Variants in TCP1 observed in about 807,000 individuals in gnomAD.
TCP1 encodes t-complex 1, also known as T-complex protein 1 subunit alpha.
TCP1 carries 6 observed loss-of-function variants against 54.7 expected under a neutral mutation model. That is an observed-to-expected ratio of 0.11 (90% CI 0.06 to 0.22). The LOEUF (loss-of-function observed/expected upper bound fraction) is 0.22, where lower values mean the gene tolerates loss of function less well. Among genes scored for constraint, TCP1 ranks in the 10% least tolerant of loss-of-function variants. The probability of loss-of-function intolerance (pLI) is 1.00; values close to 1 mark genes in which losing one functional copy is unlikely to be tolerated. For missense variants in TCP1, 511 were observed against 678.2 expected (o/e 0.75, Z 2.74); for synonymous variants, 225 against 229.7 (o/e 0.98, Z 0.19).
chr6:159,789,205 C>T, intron 1 of TCP1, 200 bp downstream of exon 1: 1 of 573,398 alleles, frequency 1.7e-6, no homozygotes. Flanking sequence ...CCGCGCGCGG[C>T]GGGGCTCCTC....
chr6:159,780,207 T>A, intron 9 of TCP1, 120 bp from the exon 10 acceptor site: 5 of 1,323,524 alleles, frequency 3.8e-6, no homozygotes, highest in Non-Finnish European at 5.3e-6. Context: ...AAAGTTCCCT[T>A]AAGTCCTGCC....
chr6:159,784,095 T>C, intron 6 of TCP1, 28 bp from the exon 7 acceptor site: 22 of 1,607,688 alleles, frequency 1.4e-5, no homozygotes, highest in Non-Finnish European at 1.8e-5. Context: ...ATTAAGTTAA[T>C]ACGTCTATCC....
Position 159,789,494 on chromosome 6 carries a change from T to C in TCP1, c.-26A>G, listed in dbSNP as rs1276586072. ...CTTGACGGCAGCGATACACGTCGAA[T>C]TCTGCTTACACCGCGGGCAACCAGT... On this transcript the variant is annotated 5_prime_UTR_variant, in exon 1 of 12. Coordinates refer to ENST00000321394, the MANE Select transcript of TCP1 (RefSeq NM_030752.3). 4 of 1,613,626 alleles carry C rather than the reference T, an allele frequency of 2.5e-6. No individual in the cohort carries two copies. Among genetic ancestry groups the C allele is most frequent in the Non-Finnish European group, 3.4e-6 (4 of 1,179,708 alleles).
At chr6:159,780,219 A>G in intron 9 of TCP1, 132 bp from the exon 10 acceptor site, 1 of 1,265,082 alleles carries the variant, frequency 7.9e-7, no homozygotes, top group Non-Finnish European at 1.1e-6. Flanking sequence ...AGTCCTGCCT[A>G]CACAGGATAT....
chr6:159,780,635 A>G (rs1291822443), intron 8 of TCP1, 69 bp from the exon 9 acceptor site: 1 of 1,557,596 alleles, frequency 6.4e-7, no homozygotes, highest in Admixed American at 2.0e-5. Flanking sequence ...TGGACTCAGT[A>G]GCATTTGTGG....
chr6:159,778,872 T>G lies in TCP1; in HGVS notation c.*173A>C, dbSNP rs1286662274. The G allele has an allele frequency of 1.9e-6, 3 of 1,612,486 alleles. No individual in the cohort carries two copies. The East Asian group carries it at 6.7e-5, about 36-fold the overall frequency. On this transcript the variant is annotated 3_prime_UTR_variant, in exon 12 of 12. Transcript: ENST00000321394. ...CAACCTCAATTTCTTTTTAAACTAA[T>G]AAAGTACTAGGTTGCAATATGTGAA...
Position 159,785,880 on chromosome 6 carries a change from CTGAA to C in TCP1, c.377+16_377+19del. Reference sequence around the variant, plus strand: ...AACTATTACATCAAAAAAAATTTCTCTGAATGCAAACAATCTTACTTGCAAGCAA... The same window carrying C: ...AACTATTACATCAAAAAAAATTTCTCTGCAAACAATCTTACTTGCAAGCAA... On this transcript the variant is annotated intron_variant, in intron 4 of 11. Transcript: ENST00000321394. 1 of 1,603,408 alleles carries C rather than the reference CTGAA, an allele frequency of 6.2e-7. No individual in the cohort carries two copies. The highest frequency in any genetic ancestry group is 8.5e-7 in the Non-Finnish European group (1 of 1,172,014).
intron 8 of TCP1, 91 bp downstream of exon 8, chr6:159,780,844 C>A: frequency 7.0e-7 from 1 of 1,422,904 alleles, no homozygotes. Flanking sequence ...TGTTTTTGAG[C>A]TGTTTTCTGT....
At chr6:159,780,203 C>T (rs757912458) in intron 9 of TCP1, 116 bp from the exon 10 acceptor site, 1 of 1,330,064 alleles carries the variant, frequency 7.5e-7, no homozygotes, top group East Asian at 2.3e-5. Flanking sequence ...ACATAAAGTT[C>T]CCTTAAGTCC....
intron 1 of TCP1, chr6:159,789,104 G>A: frequency 2.3e-6 from 1 of 437,044 alleles, no homozygotes; most frequent in Non-Finnish European, 4.1e-6. Context: ...GCCCGCACGT[G>A]CGAGCCCGGG....
In TCP1 at chr6:159,789,392, G is replaced by T. The variant is rs991386648; in HGVS notation, c.64+13C>A. The T allele has an allele frequency of 6.2e-7, 1 of 1,611,266 alleles. No individual in the cohort carries two copies. The highest frequency in any genetic ancestry group is 8.5e-7 in the Non-Finnish European group (1 of 1,178,136). On this transcript the variant is annotated intron_variant, in intron 1 of 11. Transcript: ENST00000321394. ...CCGGCCGCAAACCCGACCCAGGCCC[G>T]GCCCGCCCTTACCGTTTTGGGAGCG...
intron 2 of TCP1, 43 bp downstream of exon 2, chr6:159,788,015 G>A (rs749655083): frequency 6.8e-6 from 11 of 1,610,496 alleles, no homozygotes; most frequent in Non-Finnish European, 9.3e-6. Flanking sequence ...ACTGAAGATA[G>A]TTTTACTTTA....
In TCP1 at chr6:159,780,084, A is replaced by T. The variant is rs1182375863; in HGVS notation, c.1101T>A (p.Thr367=). The T allele has an allele frequency of 6.2e-7, 1 of 1,609,566 alleles. No homozygotes were observed. The highest frequency in any genetic ancestry group is 1.3e-5 in the African/African-American group (1 of 74,678). ...CDDELILIKN[T]KARTSASIIL... ...TAATCGATGCAGACGTACGAGCCTTAGTACTGTTCAAAACAAAAGTACAAT... is the reference window on the plus strand; with the variant it reads ...TAATCGATGCAGACGTACGAGCCTTTGTACTGTTCAAAACAAAAGTACAAT... The change falls in exon 10 of 12, where the codon ACT becomes ACA. Residue 367 remains threonine (T), a synonymous_variant. Transcript: ENST00000321394.
intron 6 of TCP1, 25 bp downstream of exon 6, chr6:159,784,641 C>G: frequency 1.9e-6 from 3 of 1,606,316 alleles, no homozygotes; most frequent in Non-Finnish European, 2.6e-6. Context: ...CAATCTCATT[C>G]TATAAACCAA....
chr6:159,788,022 T>C, intron 2 of TCP1, 36 bp downstream of exon 2: 1 of 1,612,174 alleles, frequency 6.2e-7, no homozygotes, highest in Non-Finnish European at 8.5e-7. Flanking sequence ...ATAGTTTTAC[T>C]TTAAGGAAAC....
Position 159,778,520 on chromosome 6 carries a change from T to C in TCP1, c.*525A>G. 1.0e-6 allele frequency: 1 copy of C among 990,398 alleles called. No individual in the cohort carries two copies. The highest frequency in any genetic ancestry group is 2.6e-5 in the East Asian group (1 of 38,472). 61.4% of individuals were successfully genotyped at this position (990,398 alleles called of 1,614,324 possible). On this transcript the variant is annotated 3_prime_UTR_variant, in exon 12 of 12. Transcript: ENST00000321394. The stretch of plus-strand genomic sequence containing the variant: ...GGATGAATTTTCACAAAGGTGTAAA[T>C]TTATTCCTAAGCAGTTAAAATGAAA...
Position 159,785,508 on chromosome 6 carries a change from T to C in TCP1, c.378-12A>G, listed in dbSNP as rs1292686504. On this transcript the variant is annotated splice_polypyrimidine_tract_variant and intron_variant, in intron 4 of 11. Coordinates refer to ENST00000321394, the MANE Select transcript of TCP1 (RefSeq NM_030752.3). ...AACGCACTGCTTCCCTGTTTAAAAG[T>C]GTGGGGGAGAAAAACGCTTATAAAG... 6 of 1,598,376 alleles carry C rather than the reference T, an allele frequency of 3.8e-6. No individual in the cohort carries two copies. The highest frequency in any genetic ancestry group is 3.3e-5 in the Admixed American group (2 of 60,008).
At position 159,780,998 on chromosome 6, in the gene TCP1, C is replaced by A. The variant is rs1156827684; in HGVS notation, c.910G>T (p.Gly304Cys). The change falls in exon 8 of 12, where the codon GGT (glycine) becomes TGT (cysteine). Residue 304 changes from glycine (G) to cysteine (C), a missense_variant. Physicochemically the swap from Gly to Cys is radical, Grantham distance 159. Around this residue, in one of 5 missense-constraint regions of TCP1, gnomAD observed 305 missense variants for 352.8 expected, o/e 0.86. Coordinates refer to ENST00000321394, the MANE Select transcript of TCP1 (RefSeq NM_030752.3). ...AAAACTCTTCTAACTGCCATAGCAC[C>A]AGCCTCCACAAAATACTTCAGACAC... ...DMCLKYFVEA[G>C]AMAVRRVLKR... 6.2e-7 allele frequency: 1 copy of A among 1,613,426 alleles called. No individual in the cohort carries two copies. Among genetic ancestry groups the A allele is most frequent in the East Asian group, 2.2e-5 (1 of 44,852 alleles).
chr6:159,785,564 C>G (rs1335633289), intron 4 of TCP1, 68 bp from the exon 5 acceptor site: 1 of 1,246,906 alleles, frequency 8.0e-7, no homozygotes, highest in East Asian at 2.3e-5. Context: ...ATTCATCATG[C>G]TTAACACAGA....
Sources: allele counts gnomAD v4.1 joint callset, GRCh38; gene constraint gnomAD v4.1.1; regional missense constraint gnomAD v4.1.1; transcripts MANE v1.5; gene names NCBI Gene and HGNC (gene_info 2026-07-23, HGNC 2026-07-21).